Variants in MECOM observed in about 807,000 individuals in gnomAD.
MECOM encodes the protein histone-lysine N-methyltransferase MECOM.
A neutral mutation model predicts 116.3 loss-of-function variants in MECOM; 13 were observed. The observed-to-expected ratio is 0.11, with a 90% confidence interval of 0.07 to 0.18. MECOM has a LOEUF of 0.18. Ranked by LOEUF, MECOM falls within the 10% of genes least tolerant of loss-of-function variation. The pLI is 1.00. For synonymous variants in MECOM, 528 were observed against 535.2 expected (o/e 0.99, Z 0.19); for missense variants, 1,299 against 1,509.0 (o/e 0.86, Z 2.31).
chr3:169,656,286 A>G (rs1231369401), intron 1 of MECOM, among the ~76,000 whole-genome samples: 1 of 152,214 alleles, frequency 6.6e-6, no homozygotes, highest in Non-Finnish European at 1.5e-5. Context: ...TGACCCCTAC[A>G]CACATGTTTA....
intron 1 of MECOM, among the ~76,000 whole-genome samples, chr3:169,561,976 T>C (rs1311071027): frequency 6.6e-6 from 1 of 151,120 alleles, no homozygotes; most frequent in Admixed American, 6.6e-5. Context: ...TGAAATCCCA[T>C]CTCTACTAAA....
At chr3:169,350,639 T>C (rs1726160249) in intron 2 of MECOM, among the ~76,000 whole-genome samples, 2 of 152,086 alleles carry the variant, frequency 1.3e-5, no homozygotes, top group East Asian at 3.9e-4. Context: ...CATTTAGAAA[T>C]TACAATATTT....
At position 169,272,090 on chromosome 3, in the gene MECOM, C is replaced by G. The variant is rs547384900; in HGVS notation, c.375+109097G>C. 1.1e-4 allele frequency among the ~76,000 whole-genome samples: 16 copies of G among 152,260 alleles called. No homozygotes were observed. In the East Asian group the frequency reaches 3.1e-3, roughly 29 times the overall value. Reference sequence around the variant, plus strand: ...GCTGGAAACCTGCATGATCGAATACCCCACTCATGACAGGGTTCAACCATT... The same window carrying G: ...GCTGGAAACCTGCATGATCGAATACGCCACTCATGACAGGGTTCAACCATT... On this transcript the variant is annotated intron_variant, in intron 2 of 16. Coordinates refer to ENST00000651503, the MANE Select transcript of MECOM (RefSeq NM_004991.4).
At chr3:169,275,742 T>C (rs1242154062) in intron 2 of MECOM, among the ~76,000 whole-genome samples, 3 of 152,178 alleles carry the variant, frequency 2.0e-5, no homozygotes, top group African/African-American at 7.2e-5. Context: ...GAGTTACAGA[T>C]TAAATGGGTT....
chr3:169,661,859 C>G (rs540744168), intron 1 of MECOM, among the ~76,000 whole-genome samples: 2 of 152,300 alleles, frequency 1.3e-5, no homozygotes, highest in East Asian at 1.9e-4. Flanking sequence ...CTCATTTCTG[C>G]GTTCCGTAAA....
chr3:169,381,437 T>C lies in MECOM; in HGVS notation c.125A>G (p.Asn42Ser). ...ADGVASTPSL[N>S]IQEPCSPATS... is the part of the protein sequence containing the mutation. ...GGCAGGAGAGCATGGCTCTTGAATATTGAGGGAGGGAGTGCTGGCTACTCC... is the reference window on the plus strand; with the variant it reads ...GGCAGGAGAGCATGGCTCTTGAATACTGAGGGAGGGAGTGCTGGCTACTCC... Residue 42 changes from asparagine to serine, a missense_variant, in exon 2 of 17, where the codon AAT (asparagine) becomes AGT (serine). Coordinates refer to ENST00000651503, the MANE Select transcript of MECOM (RefSeq NM_004991.4). The C allele has an allele frequency of 6.2e-7, 1 of 1,613,782 alleles. No individual in the cohort carries two copies. Among genetic ancestry groups the C allele is most frequent in the Non-Finnish European group, 8.5e-7 (1 of 1,179,804 alleles).
At chr3:169,347,610 A>G (rs1030203771) in intron 2 of MECOM, among the ~76,000 whole-genome samples, 1 of 152,076 alleles carries the variant, frequency 6.6e-6, no homozygotes, top group Non-Finnish European at 1.5e-5. Context: ...GAATTAACTG[A>G]AAGATATCTA....
At chr3:169,367,018 C>CA (rs1283969231) in intron 2 of MECOM, among the ~76,000 whole-genome samples, 1 of 152,088 alleles carries the variant, frequency 6.6e-6, no homozygotes, top group African/African-American at 2.4e-5. Flanking sequence ...ACTGTGCCCC[C>CA]AGGAAGAAGG....
At chr3:169,554,070 C>A (rs1207852674) in intron 1 of MECOM, among the ~76,000 whole-genome samples, 1 of 152,230 alleles carries the variant, frequency 6.6e-6, no homozygotes, top group African/African-American at 2.4e-5. Flanking sequence ...CATAAGGCTA[C>A]AGCCAGTGGC....
At chr3:169,431,673 G>C (rs186429107) in intron 1 of MECOM, among the ~76,000 whole-genome samples, 168 of 152,320 alleles carry the variant, frequency 1.1e-3, no homozygotes, top group Non-Finnish European at 1.9e-3. Flanking sequence ...CAATTAGGTA[G>C]ACTGGTCTGC....
intron 1 of MECOM, among the ~76,000 whole-genome samples, chr3:169,438,647 C>T (rs1342697790): frequency 6.6e-6 from 1 of 152,078 alleles, no homozygotes. Flanking sequence ...TTGGAAGTCA[C>T]GTGAATATGC....
rs1734002303 is a variant in MECOM, at chr3:169,390,191, C to T, written c.38-8667G>A. Reference sequence around the variant, plus strand: ...GACAAGTTCATCCCCAGGTCCATTCCACTCAAGCAATCCCAGTTCTACATA... The same window carrying T: ...GACAAGTTCATCCCCAGGTCCATTCTACTCAAGCAATCCCAGTTCTACATA... On this transcript the variant is annotated intron_variant, in intron 1 of 16. Coordinates refer to ENST00000651503, the MANE Select transcript of MECOM (RefSeq NM_004991.4). Among the ~76,000 whole-genome samples the T allele has an allele frequency of 2.0e-5, 3 of 152,128 alleles. No homozygotes were observed. In the South Asian group the frequency reaches 6.2e-4, roughly 32 times the overall value.
Position 169,518,178 on chromosome 3 carries a change from G to A in MECOM, c.38-136654C>T, listed in dbSNP as rs563404392. ...GGAGGCTGAGGCAGGAGAATGGTGC[G>A]AACCCGGGAGGCGGAGCTTGCAGTG... On this transcript the variant is annotated intron_variant, in intron 1 of 16. Coordinates refer to ENST00000651503, the MANE Select transcript of MECOM (RefSeq NM_004991.4). Among the ~76,000 whole-genome samples, 1,149 of 151,962 alleles carry A rather than the reference G, an allele frequency of 7.6e-3. 16 individuals are homozygous for A. Among genetic ancestry groups the A allele is most frequent in the African/African-American group, 0.026 (1,067 of 41,474 alleles).
intron 1 of MECOM, among the ~76,000 whole-genome samples, chr3:169,565,731 A>T (rs1449026911): frequency 6.6e-6 from 1 of 152,188 alleles, no homozygotes; most frequent in Non-Finnish European, 1.5e-5. Context: ...TTGCTTTCAT[A>T]GATGGGTTTT....
chr3:169,644,846 A>G (rs1160079888), intron 1 of MECOM, among the ~76,000 whole-genome samples: 1 of 152,222 alleles, frequency 6.6e-6, no homozygotes, highest in Non-Finnish European at 1.5e-5. Flanking sequence ...AGCAGTTAAA[A>G]CTAAACTGAA....
chr3:169,620,715 G>A, intron 1 of MECOM, among the ~76,000 whole-genome samples: 1 of 152,184 alleles, frequency 6.6e-6, no homozygotes, highest in African/African-American at 2.4e-5. Context: ...GTGCAGCCAG[G>A]CACCAGGCTC....
At chr3:169,161,935 A>T (rs1414380214) in intron 2 of MECOM, among the ~76,000 whole-genome samples, 1 of 152,168 alleles carries the variant, frequency 6.6e-6, no homozygotes, top group African/African-American at 2.4e-5. Context: ...TTTTTAGGTG[A>T]CTGAAGCTGC....
intron 2 of MECOM, among the ~76,000 whole-genome samples, chr3:169,205,223 A>G (rs775475693): frequency 6.6e-6 from 1 of 152,162 alleles, no homozygotes; most frequent in African/African-American, 2.4e-5. Flanking sequence ...CCTCAAAAAC[A>G]GGGTTTATAA....
chr3:169,549,729 A>G (rs1761148609), intron 1 of MECOM, among the ~76,000 whole-genome samples: 1 of 152,200 alleles, frequency 6.6e-6, no homozygotes, highest in East Asian at 1.9e-4. Context: ...TTCAAATTAA[A>G]ACCCAGATTT....
Sources: gnomAD v4.1 joint callset for allele counts (sites outside exome capture counted in the v4.1 genomes callset) on GRCh38, gnomAD v4.1.1 for gene constraint, MANE v1.5 for transcripts, NCBI Gene and HGNC (gene_info 2026-07-23, HGNC 2026-07-21) for gene names.